Variants in STK10 observed in about 807,000 individuals in gnomAD.
The protein encoded by STK10 is serine/threonine kinase 10, also known as serine/threonine-protein kinase 10.
Under a neutral mutation model 113.8 loss-of-function variants are expected in STK10, and 78 were observed. The ratio of observed to expected loss-of-function variants is 0.69; its 90% CI spans 0.57 to 0.83. STK10 has a LOEUF of 0.83. STK10 is among the 40% of genes least tolerant of loss of function. The pLI is 0.00. For missense variants in STK10, 1,109 were observed against 1,280.1 expected (o/e 0.87, Z 2.04); for synonymous variants, 465 against 494.7 (o/e 0.94, Z 0.80).
At chr5:172,055,453 G>A in intron 16 of STK10, 135 bp downstream of exon 16, 11 of 956,598 alleles carry the variant, frequency 1.1e-5, no homozygotes, top group Non-Finnish European at 1.5e-5. Flanking sequence ...GCCTCTCAAA[G>A]TGTTGGGATT....
intron 8 of STK10, 29 bp downstream of exon 8, chr5:172,096,397 C>T (rs762014726): frequency 6.2e-7 from 1 of 1,607,276 alleles, no homozygotes; most frequent in South Asian, 1.1e-5. Flanking sequence ...CTCCCAGCCC[C>T]CGCTAAGCCC....
intron 14 of STK10, 77 bp from the exon 15 acceptor site, chr5:172,057,550 C>T (rs1214524352): frequency 1.3e-6 from 2 of 1,506,520 alleles, no homozygotes; most frequent in African/African-American, 1.4e-5. Context: ...CCCACCTCTG[C>T]CTGGCCTCCT....
At chr5:172,137,820 A>C (rs1413254134) in intron 2 of STK10, among the ~76,000 whole-genome samples, 2 of 140,032 alleles carry the variant, frequency 1.4e-5, no homozygotes, top group African/African-American at 5.4e-5. Context: ...ATGAACCTGG[A>C]GGCGGAGCTT....
rs113551500 is a variant in STK10 at position 172,054,563 on chromosome 5, C to A, written c.2652+6G>T. The stretch of plus-strand genomic sequence containing the variant: ...GGGGCAGGGGCAGGGGCAGGCAGGG[C>A]GGTACCTGCAGCTGCTGCAGCTCGC... On this transcript the variant is annotated splice_donor_region_variant and intron_variant, in intron 17 of 18. Transcript: ENST00000176763. 2.5e-6 allele frequency: 4 copies of A among 1,603,678 alleles called. No homozygotes were observed. The highest frequency in any genetic ancestry group is 3.4e-6 in the Non-Finnish European group (4 of 1,179,182).
At chr5:172,112,467 C>CTGGAGTGCAGTGG (rs1769260118) in intron 4 of STK10, among the ~76,000 whole-genome samples, 1 of 140,972 alleles carries the variant, frequency 7.1e-6, no homozygotes, top group Non-Finnish European at 1.5e-5. Flanking sequence ...GTCACCCAGG[C>CTGGAGTGCAGTGG]TGGAGTGCAG....
rs375820809 is a variant in STK10 at position 172,093,720 on chromosome 5, C to T, written c.1246G>A (p.Val416Met). The change falls in exon 9 of 19, where the codon GTG becomes ATG. Residue 416 changes from valine to methionine, a missense_variant. Coordinates refer to ENST00000176763, the MANE Select transcript of STK10 (RefSeq NM_005990.4). The surrounding 1 kb of genome is among the most constrained non-coding windows in gnomAD (Gnocchi z 4.1). ...ACCTGAATTCTGGCATCCATTGACA[C>T]GGGTCGGGACTTCCGCAGGGGCACA... ...VPVPLRKSRP[V>M]SMDARIQVAQ... is the part of the protein sequence containing the mutation. 19 of 1,613,948 alleles carry T rather than the reference C, an allele frequency of 1.2e-5. No homozygotes were observed. The highest frequency in any genetic ancestry group is 4.0e-5 in the African/African-American group (3 of 74,936).
intron 8 of STK10, among the ~76,000 whole-genome samples, chr5:172,094,909 G>C (rs1768811716): frequency 6.6e-6 from 1 of 152,184 alleles, no homozygotes; most frequent in South Asian, 2.1e-4. Context: ...CTATGCTAAG[G>C]TGAAACAGAA....
At position 172,064,800 on chromosome 5, in the gene STK10, C is replaced by T. The variant is rs1365253057; in HGVS notation, c.2002G>A (p.Val668Met). Residue 668 changes from valine (V) to methionine (M), a missense_variant, in exon 13 of 19, where the codon GTG (valine) becomes ATG (methionine). Val to Met is a conservative substitution (Grantham distance 21, BLOSUM62 1). Around this residue, in one of 5 missense-constraint regions of STK10, gnomAD observed 885 missense variants for 991.1 expected, o/e 0.89. Transcript: ENST00000176763. The part of the protein sequence containing the change: ...KLMKKEVKNE[V>M]EKLPRQQRKE... ...CGCTGCTGTCGGGGGAGCTTCTCCACCTCGTTCTTCACCTGCAGCAGAGAC... is the reference window on the plus strand; with the variant it reads ...CGCTGCTGTCGGGGGAGCTTCTCCATCTCGTTCTTCACCTGCAGCAGAGAC... 6.2e-7 allele frequency: 1 copy of T among 1,614,162 alleles called. No individual in the cohort carries two copies. Among genetic ancestry groups the T allele is most frequent in the Non-Finnish European group, 8.5e-7 (1 of 1,180,040 alleles).
Position 172,106,804 on chromosome 5 carries a change from C to A in STK10, c.604G>T (p.Glu202Ter), listed in dbSNP as rs1008419110. 2.5e-6 allele frequency: 4 copies of A among 1,613,948 alleles called. No individual in the cohort carries two copies. Among genetic ancestry groups the A allele is most frequent in the Non-Finnish European group, 3.4e-6 (4 of 1,179,900 alleles). The change falls in exon 6 of 19, where the codon GAG (glutamate) becomes TAG (stop). Residue 202 changes from glutamate to a stop codon, truncating the protein, a stop_gained. Coordinates refer to ENST00000176763, the MANE Select transcript of STK10 (RefSeq NM_005990.4). LOFTEE classifies it high-confidence loss of function. ...FIGTPYWMAP[E>*]VVMCETMKDT... ...TTCATGGTCTCACACATGACCACCT[C>A]GGGGGCCATCCTGAACCAACCAAGG... is the stretch of plus-strand genomic sequence containing the variant.
chr5:172,049,618 T>G (rs1261767873), intron 18 of STK10, among the ~76,000 whole-genome samples: 19 of 144,280 alleles, frequency 1.3e-4, no homozygotes, highest in South Asian at 2.2e-4. Context: ...TTTCTGGGGG[T>G]GGGGGAGGGG....
At chr5:172,126,074 T>C (rs1011609429) in intron 3 of STK10, among the ~76,000 whole-genome samples, 1 of 152,190 alleles carries the variant, frequency 6.6e-6, no homozygotes, top group Non-Finnish European at 1.5e-5. Flanking sequence ...TCTCCTCTTC[T>C]GGGCCATCCC....
intron 18 of STK10, among the ~76,000 whole-genome samples, chr5:172,049,391 T>C (rs1431004535): frequency 2.6e-5 from 4 of 151,400 alleles, no homozygotes; most frequent in Admixed American, 2.0e-4. Context: ...CAAACAGAAG[T>C]TGGCCAAGCA....
chr5:172,130,903 A>G (rs1769740336), intron 2 of STK10, among the ~76,000 whole-genome samples: 1 of 152,052 alleles, frequency 6.6e-6, no homozygotes, highest in Non-Finnish European at 1.5e-5. Context: ...TCCTACAAAA[A>G]TATGCCTTCC....
intron 18 of STK10, among the ~76,000 whole-genome samples, chr5:172,049,728 C>T (rs974506755): frequency 2.0e-5 from 3 of 152,184 alleles, no homozygotes; most frequent in African/African-American, 2.4e-5. Flanking sequence ...ACTTCTGGAG[C>T]TTCTGGAGGA....
rs532044278 is a variant in STK10, at chr5:172,072,898, T to C, written c.1990-8086A>G. On this transcript the variant is annotated intron_variant, in intron 12 of 18. Transcript: ENST00000176763. ...CTACAAAGAAAGATACGAGTACTAATAAGTGAGTTTAACAAGATTGCAGTA... is the reference window on the plus strand; with the variant it reads ...CTACAAAGAAAGATACGAGTACTAACAAGTGAGTTTAACAAGATTGCAGTA... 8.2e-4 allele frequency among the ~76,000 whole-genome samples: 125 copies of C among 152,364 alleles called. 1 individual carries two copies. Among genetic ancestry groups the C allele is most frequent in the Non-Finnish European group, 1.4e-3 (92 of 68,038 alleles).
chr5:172,114,473 A>ATATATATATATATATATTTT (rs1226289994), intron 4 of STK10: 1 of 47,538 alleles, frequency 2.1e-5, no homozygotes, highest in African/African-American at 1.4e-4. Context: ...ATATATATAT[A>ATATATATATATATATATTTT]TTTTTTTTTT....
chr5:172,158,393 G>T (rs56364703), intron 1 of STK10, among the ~76,000 whole-genome samples: 1 of 151,900 alleles, frequency 6.6e-6, no homozygotes, highest in African/African-American at 2.4e-5. Context: ...TTTGGGAGGC[G>T]GAGGCAGGCA....
At chr5:172,164,770 G>A (rs1321483171) in intron 1 of STK10, among the ~76,000 whole-genome samples, 1 of 152,188 alleles carries the variant, frequency 6.6e-6, no homozygotes, top group Non-Finnish European at 1.5e-5. Context: ...GCCCACGTGG[G>A]AGTTGGCAGG....
chr5:172,163,678 CA>C (rs1770511682), intron 1 of STK10, among the ~76,000 whole-genome samples: 2 of 152,200 alleles, frequency 1.3e-5, no homozygotes, highest in Admixed American at 6.5e-5. Flanking sequence ...GTCATTCATT[CA>C]ACCACTATTT....
Sources: gnomAD v4.1 joint callset for allele counts (sites outside exome capture counted in the v4.1 genomes callset) on GRCh38, gnomAD v4.1.1 for gene constraint, gnomAD v4.1.1 regional missense constraint, Gnocchi (gnomAD v3.1) non-coding constraint, MANE v1.5 for transcripts, NCBI Gene and HGNC (gene_info 2026-07-23, HGNC 2026-07-21) for gene names.